Variants in HMCN1 observed in about 807,000 individuals in gnomAD.
HMCN1 encodes hemicentin-1.
A neutral mutation model predicts 625.9 loss-of-function variants in HMCN1; 321 were observed. The ratio of observed to expected loss-of-function variants is 0.51; its 90% CI spans 0.47 to 0.56. The LOEUF (loss-of-function observed/expected upper bound fraction) is 0.56. Ranked by LOEUF, HMCN1 falls within the 20% of genes least tolerant of loss-of-function variation. HMCN1 has a pLI of 0.00. For synonymous variants in HMCN1, 2,425 were observed against 2,417.6 expected (o/e 1.00, Z -0.09); for missense variants, 6,588 against 6,887.3 (o/e 0.96, Z 1.54).
At chr1:185,870,557 T>C (rs1663548003) in intron 4 of HMCN1, among the ~76,000 whole-genome samples, 1 of 152,166 alleles carries the variant, frequency 6.6e-6, no homozygotes. Context: ...ATTTCTGTTT[T>C]TATTTTTTAA....
At chr1:186,020,331 T>C (rs902279491) in intron 35 of HMCN1, among the ~76,000 whole-genome samples, 2 of 152,052 alleles carry the variant, frequency 1.3e-5, no homozygotes, top group African/African-American at 4.8e-5. Context: ...TAGATTTTGC[T>C]AATAGGATCG....
chr1:185,945,118 A>T (rs1668269091), intron 11 of HMCN1, among the ~76,000 whole-genome samples: 1 of 152,206 alleles, frequency 6.6e-6, no homozygotes, highest in African/African-American at 2.4e-5. Flanking sequence ...ATAAAAATTG[A>T]ATTAGAGCTA....
chr1:186,178,853 A>C, intron 104 of HMCN1, 87 bp downstream of exon 104: 1 of 923,000 alleles, frequency 1.1e-6, no homozygotes, highest in Non-Finnish European at 1.8e-6. Flanking sequence ...GTTTGAGTGC[A>C]GTGAACTACA....
chr1:185,989,225 G>C (rs1652227492), intron 20 of HMCN1, among the ~76,000 whole-genome samples: 1 of 151,890 alleles, frequency 6.6e-6, no homozygotes, highest in Non-Finnish European at 1.5e-5. Context: ...TCGATCTCCT[G>C]ACCTTGTGAT....
At chr1:185,860,758 C>T (rs1240537843) in intron 2 of HMCN1, among the ~76,000 whole-genome samples, 2 of 152,082 alleles carry the variant, frequency 1.3e-5, no homozygotes, top group South Asian at 4.1e-4. Context: ...GTGAAATTCT[C>T]TGTGGGGTTT....
chr1:185,897,524 C>G (rs374381246), intron 4 of HMCN1, among the ~76,000 whole-genome samples: 2 of 152,190 alleles, frequency 1.3e-5, no homozygotes, highest in African/African-American at 4.8e-5. Flanking sequence ...ACTTTAGTAT[C>G]TTTTCTGATA....
intron 1 of HMCN1, among the ~76,000 whole-genome samples, chr1:185,820,672 T>C (rs1660129383): frequency 6.6e-6 from 1 of 152,124 alleles, no homozygotes; most frequent in South Asian, 2.1e-4. Context: ...TTTAAAGCTT[T>C]GAGATTTAGA....
chr1:186,175,291 G>T (rs1652489745), intron 103 of HMCN1, among the ~76,000 whole-genome samples: 1 of 152,158 alleles, frequency 6.6e-6, no homozygotes, highest in Non-Finnish European at 1.5e-5. Context: ...GTCTTCCTTA[G>T]AATATTCAAT....
chr1:186,045,485 T>A (rs1656499151), intron 40 of HMCN1, among the ~76,000 whole-genome samples: 1 of 152,146 alleles, frequency 6.6e-6, no homozygotes, highest in East Asian at 1.9e-4. Context: ...AAGAAGTTAG[T>A]GAGAAATATT....
chr1:186,007,917 G>A (rs982192944), intron 30 of HMCN1, among the ~76,000 whole-genome samples: 3 of 152,072 alleles, frequency 2.0e-5, no homozygotes, highest in African/African-American at 7.2e-5. Flanking sequence ...GAAAGGAATG[G>A]AACTCAATAG....
chr1:186,130,989 AAC>A (rs1449219307), intron 85 of HMCN1, among the ~76,000 whole-genome samples: 1 of 152,168 alleles, frequency 6.6e-6, no homozygotes, highest in Non-Finnish European at 1.5e-5. Flanking sequence ...AAGAATTACA[AAC>A]ACAGTTACAT....
At chr1:185,754,536 G>T (rs1655014683) in intron 1 of HMCN1, among the ~76,000 whole-genome samples, 1 of 152,030 alleles carries the variant, frequency 6.6e-6, no homozygotes, top group African/African-American at 2.4e-5. Flanking sequence ...GAGTGTGTTT[G>T]AAAAGTGTAA....
intron 26 of HMCN1, among the ~76,000 whole-genome samples, chr1:186,001,002 C>T (rs1158308187): frequency 6.6e-6 from 1 of 151,956 alleles, no homozygotes; most frequent in African/African-American, 2.4e-5. Context: ...TTAATTAAGA[C>T]CCCATAAGCT....
chr1:186,169,763 A>G (rs889109102), intron 100 of HMCN1, among the ~76,000 whole-genome samples: 1 of 152,226 alleles, frequency 6.6e-6, no homozygotes, highest in Non-Finnish European at 1.5e-5. Context: ...TTCAGGACAC[A>G]GGCATAGGCA....
chr1:186,032,286 AGC>A (rs1266530875), intron 36 of HMCN1, among the ~76,000 whole-genome samples: 1 of 152,160 alleles, frequency 6.6e-6, no homozygotes, highest in Non-Finnish European at 1.5e-5. Flanking sequence ...ATATACAAGC[AGC>A]CAACCTAATA....
intron 58 of HMCN1, among the ~76,000 whole-genome samples, chr1:186,086,657 C>T (rs946502878): frequency 2.6e-5 from 4 of 151,976 alleles, no homozygotes; most frequent in East Asian, 1.9e-4. Flanking sequence ...CAGCTTAGAA[C>T]GGCCTAGTAA....
intron 70 of HMCN1, among the ~76,000 whole-genome samples, 161 bp from the exon 71 acceptor site, chr1:186,108,300 A>T (rs1266441036): frequency 3.5e-5 from 5 of 144,498 alleles, no homozygotes; most frequent in Non-Finnish European, 6.2e-5. Flanking sequence ...AAATAAGGTT[A>T]AAAAAAAAAC....
intron 1 of HMCN1, among the ~76,000 whole-genome samples, chr1:185,827,241 C>T (rs762777789): frequency 2.0e-5 from 3 of 149,476 alleles, no homozygotes; most frequent in Non-Finnish European, 4.5e-5. Flanking sequence ...ACCAAAAGCT[C>T]AGGAGAAAAT....
chr1:185,810,957 T>G (rs1659478092), intron 1 of HMCN1, among the ~76,000 whole-genome samples: 1 of 151,966 alleles, frequency 6.6e-6, no homozygotes, highest in African/African-American at 2.4e-5. Flanking sequence ...TAAACGTTTT[T>G]CCTTCAACAT....
Sources: gnomAD v4.1 joint callset for allele counts (sites outside exome capture counted in the v4.1 genomes callset) on GRCh38, gnomAD v4.1.1 for gene constraint, MANE v1.5 for transcripts, NCBI Gene and HGNC (gene_info 2026-07-23, HGNC 2026-07-21) for gene names.